OR1S1: variants seen among roughly 807,000 people sequenced by gnomAD.
OR1S1 encodes olfactory receptor 1S1.
For missense variants in OR1S1, 411 were observed against 367.5 expected, an observed-to-expected ratio of 1.12 and a Z score of -0.97; for synonymous variants, 156 against 143.9, an observed-to-expected ratio of 1.08 and a Z score of -0.60.
exon 2 of OR1S1, chr11:58,214,759 T>C (rs2120063618): frequency 6.2e-7 from 1 of 1,613,604 alleles, no homozygotes; most frequent in East Asian, 2.2e-5. Flanking sequence ...AGACTTTTAG[T>C]TCCTTTCTTC....
chr11:58,214,879 G>A (rs191699174), exon 2 of OR1S1: 2 of 1,614,054 alleles, frequency 1.2e-6, no homozygotes, highest in East Asian at 2.2e-5. Context: ...TGCTTTTCTT[G>A]GGTATGTACC....
exon 2 of OR1S1, chr11:58,215,739 A>C (rs770386188): frequency 8.7e-6 from 14 of 1,602,334 alleles, no homozygotes; most frequent in Non-Finnish European, 1.7e-6. Flanking sequence ...GGACCTCTAC[A>C]TTCTTTTAGT....
intron 1 of OR1S1, 30 bp from the exon 2 acceptor site, chr11:58,214,699 A>G (rs1303354560): frequency 6.4e-7 from 1 of 1,565,852 alleles, no homozygotes; most frequent in Non-Finnish European, 8.7e-7. Flanking sequence ...GACTTACTGC[A>G]ATGGCTGCAG....
At chr11:58,214,892 G>C in exon 2 of OR1S1, 1 of 1,614,058 alleles carries the variant, frequency 6.2e-7, no homozygotes, top group Non-Finnish European at 8.5e-7. Context: ...TATGTACCTG[G>C]TCACTGTGAT....
At chr11:58,213,686 C>T (rs1435777141) in intron 1 of OR1S1, among the ~76,000 whole-genome samples, 1 of 152,204 alleles carries the variant, frequency 6.6e-6, no homozygotes, top group Non-Finnish European at 1.5e-5. Context: ...GTGTTCATAT[C>T]TGTTGCCATA....
chr11:58,214,687 G>C, intron 1 of OR1S1, 42 bp from the exon 2 acceptor site: 1 of 1,490,620 alleles, frequency 6.7e-7, no homozygotes, highest in Non-Finnish European at 9.2e-7. Flanking sequence ...CTTTATTCAA[G>C]TGACTTACTG....
exon 2 of OR1S1, chr11:58,215,108 G>A (rs147498041): frequency 4.0e-5 from 65 of 1,614,054 alleles, no homozygotes; most frequent in African/African-American, 6.7e-5. Context: ...TGTGTTTGTC[G>A]TCATTGACAA....
chr11:58,214,799 C>A (rs745745396), exon 2 of OR1S1: 2 of 1,613,906 alleles, frequency 1.2e-6, no homozygotes, highest in South Asian at 2.2e-5. Context: ...TCAAGGAAAC[C>A]AAACCACCAT....
At chr11:58,214,979 C>T in exon 2 of OR1S1, 1 of 1,614,168 alleles carries the variant, frequency 6.2e-7, no homozygotes, top group Non-Finnish European at 8.5e-7. Context: ...CCTTGCCAAT[C>T]TATCCTTTGC....
At chr11:58,214,367 TC>T (rs1852886516) in intron 1 of OR1S1, among the ~76,000 whole-genome samples, 1 of 152,208 alleles carries the variant, frequency 6.6e-6, no homozygotes, top group South Asian at 2.1e-4. Flanking sequence ...ACTTGAAATT[TC>T]TGTTTTCTTA....
rs1439315073 is a variant in OR1S1, at chr11:58,214,803, C to T, written c.20C>T (p.Thr7Ile). The change falls in exon 2 of 2, where the codon ACC (threonine) becomes ATC (isoleucine). Residue 7 changes from threonine to isoleucine, a missense_variant. By Grantham distance (89) the Thr-to-Ile change is moderately conservative. Transcript: ENST00000641544. ...AGAAATATGCATCAAGGAAACCAAA[C>T]CACCATCACTGAATTCATTCTCCTG... is the stretch of plus-strand genomic sequence containing the variant. 3.1e-6 allele frequency: 5 copies of T among 1,613,858 alleles called. No homozygotes were observed. Among genetic ancestry groups the T allele is most frequent in the Non-Finnish European group, 1.7e-6 (2 of 1,179,888 alleles).
Position 58,215,097 on chromosome 11 carries a change from T to C in OR1S1, c.314T>C (p.Ile105Thr), listed in dbSNP as rs748644184. Residue 105 changes from isoleucine (I) to threonine (T), a missense_variant, in exon 2 of 2, where the codon ATT becomes ACT. Ile to Thr is a moderately conservative substitution (Grantham distance 89, BLOSUM62 -1). Coordinates refer to ENST00000641544, the Ensembl canonical transcript of OR1S1. ...TGCATCACACAGATGTACTTTTCTA[T>C]TGTGTTTGTCGTCATTGACAATTTG... 4 of 1,614,212 alleles carry C rather than the reference T, an allele frequency of 2.5e-6. No individual in the cohort carries two copies. In the South Asian group the frequency reaches 3.3e-5, roughly 13 times the overall value.
At chr11:58,215,157 C>T (rs374879241) in exon 2 of OR1S1, 17 of 1,613,998 alleles carry the variant, frequency 1.1e-5, no homozygotes, top group Non-Finnish European at 1.4e-5. Context: ...CACTTTGTGG[C>T]GATCTGCCAC....
exon 2 of OR1S1, chr11:58,215,907 C>T (rs1852934360): frequency 1.0e-5 from 7 of 682,418 alleles, no homozygotes; most frequent in Non-Finnish European, 1.7e-5. Flanking sequence ...CCTGTAACTG[C>T]CATGGTAAGT....
chr11:58,215,349 G>A (rs372896385), exon 2 of OR1S1: 1 of 1,613,466 alleles, frequency 6.2e-7, no homozygotes, highest in African/African-American at 1.3e-5. Context: ...AAACTGTCCT[G>A]TTCAGATACA....
intron 1 of OR1S1, among the ~76,000 whole-genome samples, chr11:58,214,330 C>T (rs1852885969): frequency 6.6e-6 from 1 of 152,178 alleles, no homozygotes; most frequent in Admixed American, 6.5e-5. Flanking sequence ...GTTGTGTTTA[C>T]TTCCCCAAAC....
At chr11:58,212,988 T>A (rs539888159) in intron 1 of OR1S1, among the ~76,000 whole-genome samples, 151 bp downstream of exon 1, 25 of 152,312 alleles carry the variant, frequency 1.6e-4, no homozygotes, top group Admixed American at 1.4e-3. Flanking sequence ...GTTATTTAGC[T>A]CATTTCAGTT....
At chr11:58,214,562 G>C (rs1817072) in intron 1 of OR1S1, among the ~76,000 whole-genome samples, 167 bp from the exon 2 acceptor site, 65,341 of 152,088 alleles carry the variant, frequency 0.43, 14,900 homozygotes, top group East Asian at 0.8. Context: ...GTTTAAAACA[G>C]TTTTTTTGAG....
chr11:58,215,971 G>A (rs1852935020), exon 2 of OR1S1: 1 of 476,044 alleles, frequency 2.1e-6, no homozygotes, highest in Non-Finnish European at 3.7e-6. Context: ...CAGGGCCCAG[G>A]GGTGGGAAGA....
Sources: gnomAD v4.1 joint callset for allele counts (sites outside exome capture counted in the v4.1 genomes callset) on GRCh38, gnomAD v4.1.1 for gene constraint, MANE v1.5 for transcripts, NCBI Gene and HGNC (gene_info 2026-07-23, HGNC 2026-07-21) for gene names.